SNAPC4: variants seen among roughly 807,000 people sequenced by gnomAD.
The protein encoded by SNAPC4 is small nuclear RNA activating complex polypeptide 4.
A neutral mutation model predicts 151.3 loss-of-function variants in SNAPC4; 127 were observed. That is an observed-to-expected ratio of 0.84 (90% CI 0.73 to 0.97). The LOEUF is 0.97. Among genes scored for constraint, SNAPC4 ranks in the 50% least tolerant of loss-of-function variants. The pLI is 0.00. For missense variants in SNAPC4, 2,186 were observed against 1,935.0 expected, an observed-to-expected ratio of 1.13 and a Z score of -2.43; for synonymous variants, 1,002 against 824.4, an observed-to-expected ratio of 1.22 and a Z score of -3.69.
chr9:136,391,371 A>G (rs1216468866), intron 10 of SNAPC4, among the ~76,000 whole-genome samples: 1 of 152,222 alleles, frequency 6.6e-6, no homozygotes, highest in African/African-American at 2.4e-5. Flanking sequence ...GAACTCCCAG[A>G]AATCCAACTA....
intron 9 of SNAPC4, 86 bp downstream of exon 9, chr9:136,392,436 G>C (rs1834111208): frequency 7.6e-7 from 1 of 1,312,432 alleles, no homozygotes. Context: ...GGGAGGGTGT[G>C]GCCTTACCAC....
rs769506147 is a variant in SNAPC4 at position 136,382,060 on chromosome 9, C to A, written c.2081G>T (p.Arg694Met). The A allele has an allele frequency of 1.3e-6, 2 of 1,589,104 alleles. No individual in the cohort carries two copies. Among genetic ancestry groups the A allele is most frequent in the Non-Finnish European group, 8.6e-7 (1 of 1,168,162 alleles). The change falls in exon 18 of 24, where the codon AGG (arginine) becomes ATG (methionine). Residue 694 changes from arginine (R) to methionine (M), a missense_variant. Physicochemically the swap from Arg to Met is moderately conservative, Grantham distance 91 (BLOSUM62 -1). Transcript: ENST00000684778. ...GGATGAGGTGGGCAGGGGTGGCTGC[C>A]TCAGCTGCTCTTTCTGTAAGGAGAA... ...ARSCTQKEQLRQPPLPTSSPG... is the reference protein window; with the variant it reads ...ARSCTQKEQLMQPPLPTSSPG...
chr9:136,397,170 T>G, intron 2 of SNAPC4, 147 bp from the exon 3 acceptor site: 1 of 742,742 alleles, frequency 1.3e-6, no homozygotes, highest in Non-Finnish European at 2.4e-6. Flanking sequence ...GGACCTTCCC[T>G]CCCTGACAGC....
At chr9:136,382,451 G>A (rs943816597) in intron 16 of SNAPC4, 115 bp from the exon 17 acceptor site, 4 of 880,202 alleles carry the variant, frequency 4.5e-6, no homozygotes, top group Admixed American at 2.0e-5. Context: ...GCGTGGCTGT[G>A]TACAGCTCTG....
rs1588765219 is a variant in SNAPC4, at chr9:136,394,245, T to G, written c.632+4A>C. On this transcript the variant is annotated splice_donor_region_variant and intron_variant, in intron 7 of 23. Coordinates refer to ENST00000684778, the MANE Select transcript of SNAPC4 (RefSeq NM_003086.4). The stretch of plus-strand genomic sequence containing the variant: ...CCGTTTTTGACTTATGGTTTTAGAC[T>G]TACTTCAGTAACTTGGGCTGAAGCA... The G allele has an allele frequency of 1.9e-6, 3 of 1,603,912 alleles. No individual in the cohort carries two copies. The highest frequency in any genetic ancestry group is 2.7e-5 in the African/African-American group (2 of 74,870).
chr9:136,380,890 G>T, intron 19 of SNAPC4, 40 bp from the exon 20 acceptor site: 1 of 1,256,184 alleles, frequency 8.0e-7, no homozygotes. Context: ...AGCTGCTTTC[G>T]GGAGCAGCTC....
At chr9:136,392,346 G>C (rs113241959) in intron 9 of SNAPC4, among the ~76,000 whole-genome samples, 176 bp downstream of exon 9, 1 of 152,190 alleles carries the variant, frequency 6.6e-6, no homozygotes, top group Non-Finnish European at 1.5e-5. Context: ...GAAGGCCCTC[G>C]TGAGTCCACT....
rs781094287 is a variant in SNAPC4, at chr9:136,392,149, A to C, written c.811-43T>G. 5 of 1,606,544 alleles carry C rather than the reference A, an allele frequency of 3.1e-6. No homozygotes were observed. In the Admixed American group the frequency reaches 6.7e-5, roughly 21 times the overall value. On this transcript the variant is annotated intron_variant, in intron 9 of 23. Transcript: ENST00000684778. ...CTCAGCCTTGCAGGCCACTGACCCC[A>C]GGGGCACCCTAGACGCAGCTCCAGG...
intron 7 of SNAPC4, among the ~76,000 whole-genome samples, chr9:136,393,210 G>T (rs986734102): frequency 3.9e-5 from 6 of 152,118 alleles, no homozygotes; most frequent in African/African-American, 1.4e-4. Context: ...CGAGCCTGAG[G>T]AGAGACCCAC....
chr9:136,392,370 T>C, intron 9 of SNAPC4, 152 bp downstream of exon 9: 2 of 851,098 alleles, frequency 2.3e-6, no homozygotes, highest in South Asian at 1.5e-5. Flanking sequence ...CATTCCCGAC[T>C]GTGGGACATG....
At chr9:136,387,146 G>C (rs980089296) in intron 13 of SNAPC4, among the ~76,000 whole-genome samples, 2 of 152,254 alleles carry the variant, frequency 1.3e-5, no homozygotes, top group Non-Finnish European at 2.9e-5. Flanking sequence ...GGGAGCTGCA[G>C]CTGTGTGCCC....
intron 1 of SNAPC4, 99 bp from the exon 2 acceptor site, chr9:136,398,536 G>A: frequency 7.2e-7 from 1 of 1,389,400 alleles, no homozygotes; most frequent in Admixed American, 2.0e-5. Context: ...GCAGGAGCCT[G>A]CTCGGCAGTG....
rs1233195062 is a variant in SNAPC4 at position 136,395,723 on chromosome 9, C to T, written c.225G>A (p.Lys75=). The T allele has an allele frequency of 6.2e-7, 1 of 1,613,600 alleles. No individual in the cohort carries two copies. The highest frequency in any genetic ancestry group is 1.1e-5 in the South Asian group (1 of 91,090). ...CTGGGTCTTCAGGGAGGGTTTTATCCTTGGGATCGTCCTCGTCATTGCTGG... is the reference window on the plus strand; with the variant it reads ...CTGGGTCTTCAGGGAGGGTTTTATCTTTGGGATCGTCCTCGTCATTGCTGG... ...GEASNDEDDP[K]DKTLPEDPET... is the part of the protein sequence containing the mutation. Residue 75 remains lysine, a synonymous_variant, in exon 4 of 24, where the codon AAG becomes AAA. Coordinates refer to ENST00000684778, the MANE Select transcript of SNAPC4 (RefSeq NM_003086.4).
chr9:136,399,967 C>G (rs533804793), intron 1 of SNAPC4, among the ~76,000 whole-genome samples, 167 bp downstream of exon 1: 1 of 152,126 alleles, frequency 6.6e-6, no homozygotes, highest in Non-Finnish European at 1.5e-5. Context: ...CGCCCAGGCT[C>G]GGCCGGACGG....
chr9:136,380,860 A>G lies in SNAPC4; in HGVS notation c.2389-10T>C. The G allele has an allele frequency of 6.6e-7, 1 of 1,507,282 alleles. No individual in the cohort carries two copies. The highest frequency in any genetic ancestry group is 2.2e-5 in the East Asian group (1 of 44,478). 93.4% of individuals were successfully genotyped at this position (1,507,282 alleles called of 1,614,324 possible). ...TATCGATGTGGAACAGCTGCGGGAC[A>G]CAGGAGGCAACCTAACCATAGCTGC... On this transcript the variant is annotated splice_polypyrimidine_tract_variant and intron_variant, in intron 19 of 23. Transcript: ENST00000684778.
At chr9:136,393,103 T>G (rs1834138403) in intron 7 of SNAPC4, among the ~76,000 whole-genome samples, 1 of 152,172 alleles carries the variant, frequency 6.6e-6, no homozygotes. Flanking sequence ...CGTAGGCAGA[T>G]ATCCTGACTG....
chr9:136,380,270 T>A (rs1299525344), intron 20 of SNAPC4, among the ~76,000 whole-genome samples: 4 of 150,896 alleles, frequency 2.7e-5, no homozygotes, highest in Non-Finnish European at 1.5e-5. Flanking sequence ...TTCTGGGGGG[T>A]TGGGGGCAGG....
intron 1 of SNAPC4, among the ~76,000 whole-genome samples, chr9:136,399,352 T>C (rs1358468359): frequency 6.6e-6 from 1 of 152,130 alleles, no homozygotes; most frequent in Non-Finnish European, 1.5e-5. Context: ...AAGCCCCTTG[T>C]TTATGCCCGA....
intron 22 of SNAPC4, among the ~76,000 whole-genome samples, chr9:136,376,896 CTCCCTAT>C (rs1332485198): frequency 1.3e-5 from 2 of 152,230 alleles, no homozygotes; most frequent in African/African-American, 2.4e-5. Context: ...CTCTGCCACA[CTCCCTAT>C]GACAGGCCCA....
Sources: allele counts gnomAD v4.1 joint callset (sites outside exome capture counted in the v4.1 genomes callset), GRCh38; gene constraint gnomAD v4.1.1; transcripts MANE v1.5; gene names NCBI Gene and HGNC (gene_info 2026-07-23, HGNC 2026-07-21).